The following FER variants were observed in gnomAD, a reference collection of about 807,000 sequenced individuals.
FER encodes tyrosine-protein kinase Fer.
A neutral mutation model predicts 111.0 loss-of-function variants in FER; 63 were observed. The ratio of observed to expected loss-of-function variants is 0.57; its 90% CI spans 0.46 to 0.70. FER has a LOEUF of 0.70. Ranked by LOEUF, FER falls within the 30% of genes least tolerant of loss-of-function variation. The pLI, the probability that FER is intolerant of heterozygous loss-of-function variation, is 0.00. For missense variants in FER, 914 were observed against 954.0 expected, an observed-to-expected ratio of 0.96 and a Z score of 0.55; for synonymous variants, 327 against 313.9, an observed-to-expected ratio of 1.04 and a Z score of -0.44.
At chr5:109,096,740 AGG>A (rs1747582091) in intron 16 of FER, among the ~76,000 whole-genome samples, 1 of 151,894 alleles carries the variant, frequency 6.6e-6, no homozygotes, top group Admixed American at 6.6e-5. Flanking sequence ...AAGCCAGTCT[AGG>A]ACCACCCTTA....
At chr5:108,811,411 G>A (rs1286199132) in intron 3 of FER, among the ~76,000 whole-genome samples, 1 of 152,106 alleles carries the variant, frequency 6.6e-6, no homozygotes, top group African/African-American at 2.4e-5. Flanking sequence ...AATCTATTTT[G>A]TATCAGTTGA....
chr5:109,009,124 T>C (rs992081596), intron 13 of FER, among the ~76,000 whole-genome samples: 1 of 141,376 alleles, frequency 7.1e-6, no homozygotes. Context: ...CTCGGCTCCC[T>C]GCAACTGCCG....
intron 3 of FER, among the ~76,000 whole-genome samples, chr5:108,810,926 G>A (rs1287315445): frequency 6.6e-6 from 1 of 151,996 alleles, no homozygotes; most frequent in Admixed American, 6.5e-5. Flanking sequence ...TTCTTTGAAT[G>A]CCTGGAGACC....
chr5:108,876,705 G>T (rs1765123602), intron 8 of FER, among the ~76,000 whole-genome samples: 1 of 152,232 alleles, frequency 6.6e-6, no homozygotes, highest in Non-Finnish European at 1.5e-5. Context: ...ATTGCTATTG[G>T]TATTTGGCAG....
At chr5:109,051,724 G>C in intron 16 of FER, 1 of 1,567,910 alleles carries the variant, frequency 6.4e-7, no homozygotes, top group Non-Finnish European at 8.8e-7. Context: ...CGCATGGTAA[G>C]GGTCGCTCTT....
At chr5:109,060,531 A>G (rs950295310) in intron 16 of FER, among the ~76,000 whole-genome samples, 1 of 151,946 alleles carries the variant, frequency 6.6e-6, no homozygotes, top group Non-Finnish European at 1.5e-5. Context: ...TGAAAATGCA[A>G]AAATTAGCTG....
chr5:108,975,385 T>A (rs747177173), intron 13 of FER, among the ~76,000 whole-genome samples: 1 of 152,108 alleles, frequency 6.6e-6, no homozygotes, highest in Non-Finnish European at 1.5e-5. Context: ...ACATGCATGT[T>A]CTGTACATGT....
At chr5:109,013,856 G>A (rs1766659934) in intron 13 of FER, among the ~76,000 whole-genome samples, 1 of 150,996 alleles carries the variant, frequency 6.6e-6, no homozygotes, top group African/African-American at 2.4e-5. Flanking sequence ...TTTTTCATGT[G>A]TTTTTTGGCT....
intron 2 of FER, among the ~76,000 whole-genome samples, chr5:108,797,035 C>T (rs1410129000): frequency 2.6e-5 from 4 of 151,972 alleles, no homozygotes; most frequent in African/African-American, 7.3e-5. Flanking sequence ...GCGTACTACC[C>T]GGGTATCACT....
chr5:109,139,338 CCTT>C (rs1753261733), intron 17 of FER, among the ~76,000 whole-genome samples: 1 of 123,102 alleles, frequency 8.1e-6, no homozygotes, highest in Non-Finnish European at 1.7e-5. Context: ...CTTTACTTCT[CCTT>C]CTTTCTTTCT....
At chr5:108,798,860 C>G (rs1756333801) in intron 3 of FER, among the ~76,000 whole-genome samples, 1 of 152,026 alleles carries the variant, frequency 6.6e-6, no homozygotes, top group Non-Finnish European at 1.5e-5. Context: ...TTTTTTGTGC[C>G]TCTCTGATAT....
chr5:108,758,296 C>T (rs1384853945), intron 1 of FER, among the ~76,000 whole-genome samples: 3 of 152,132 alleles, frequency 2.0e-5, no homozygotes, highest in Non-Finnish European at 4.4e-5. Context: ...GGGAAAAGAG[C>T]AAACCTACCT....
intron 16 of FER, among the ~76,000 whole-genome samples, chr5:109,094,595 A>T (rs117529105): frequency 0.034 from 5,206 of 152,248 alleles, 145 homozygotes; most frequent in South Asian, 0.084. Context: ...ATAAAATGTT[A>T]AGGTTTTGTG....
At position 108,867,827 on chromosome 5, in the gene FER, T is replaced by C; in HGVS notation, c.542T>C (p.Leu181Ser). 1.9e-6 allele frequency: 3 copies of C among 1,613,360 alleles called. No individual in the cohort carries two copies. The highest frequency in any genetic ancestry group is 2.5e-6 in the Non-Finnish European group (3 of 1,179,584). ...YDKATMKLHMLHNQYVLALKG... is the reference protein window; with the variant it reads ...YDKATMKLHMSHNQYVLALKG... ...AAAGCCACAATGAAACTTCATATGT[T>C]GCACAATCAGTATGTATTGGCGTTG... Residue 181 changes from leucine to serine, a missense_variant, in exon 6 of 20, where the codon TTG (leucine) becomes TCG (serine). Transcript: ENST00000281092.
chr5:108,791,987 A>G (rs773135218), intron 2 of FER, among the ~76,000 whole-genome samples: 2 of 152,190 alleles, frequency 1.3e-5, no homozygotes, highest in Non-Finnish European at 2.9e-5. Flanking sequence ...AAATCACTTT[A>G]CCATAAATGT....
chr5:108,832,695 G>A, intron 3 of FER, 75 bp from the exon 4 acceptor site: 1 of 1,082,548 alleles, frequency 9.2e-7, no homozygotes, highest in Non-Finnish European at 1.2e-6. Flanking sequence ...AATATTTAAA[G>A]TTTTGAACTC....
rs565713696 is a variant in FER, at chr5:108,927,519, A to C, written c.1237-18611A>C. ...CATGATCCACCTGCCTCGGCCTCCC[A>C]AAGTGCTGGGATTACAGGCGTGAGC... On this transcript the variant is annotated intron_variant, in intron 10 of 19. Transcript: ENST00000281092. Among the ~76,000 whole-genome samples the C allele has an allele frequency of 2.6e-5, 4 of 152,042 alleles. No homozygotes were observed. The South Asian group carries it at 8.3e-4, about 32-fold the overall frequency.
chr5:109,083,627 A>G lies in FER; in HGVS notation c.1925-16769A>G, dbSNP rs573970922. Among the ~76,000 whole-genome samples, 6 of 152,200 alleles carry G rather than the reference A, an allele frequency of 3.9e-5. No individual in the cohort carries two copies. The East Asian group carries it at 1.2e-3, about 29-fold the overall frequency. On this transcript the variant is annotated intron_variant, in intron 16 of 19. Transcript: ENST00000281092. ...GGAAAATGTGAAGAGATACTTTTCC[A>G]CAGATCACTTGCATGTCTGCACATC... is the stretch of plus-strand genomic sequence containing the variant.
rs566960713 is a variant in FER at position 109,024,669 on chromosome 5, C to G, written c.1657-12753C>G. 1.8e-3 allele frequency among the ~76,000 whole-genome samples: 275 copies of G among 152,276 alleles called. 1 individual carries two copies. Among genetic ancestry groups the G allele is most frequent in the Non-Finnish European group, 2.9e-3 (198 of 68,008 alleles). On this transcript the variant is annotated intron_variant, in intron 13 of 19. Transcript: ENST00000281092. ...TAAAGGTACCGTCTAATCCCCCTTT[C>G]TTTTTCATATTGTCACTGGATAAGA... is the stretch of plus-strand genomic sequence containing the variant.
Sources: gnomAD v4.1 joint callset for allele counts (sites outside exome capture counted in the v4.1 genomes callset) on GRCh38, gnomAD v4.1.1 for gene constraint, MANE v1.5 for transcripts, NCBI Gene and HGNC (gene_info 2026-07-23, HGNC 2026-07-21) for gene names.